The following IQSEC1 variants were observed in gnomAD, a reference collection of about 807,000 sequenced individuals.
The protein encoded by IQSEC1 is IQ motif and SEC7 domain-containing protein 1.
Under a neutral mutation model 91.0 loss-of-function variants are expected in IQSEC1, and 31 were observed. The ratio of observed to expected loss-of-function variants is 0.34; its 90% CI spans 0.26 to 0.46. The LOEUF (loss-of-function observed/expected upper bound fraction) is 0.46. IQSEC1 is among the 20% of genes least tolerant of loss of function. IQSEC1 has a pLI of 1.00. For synonymous variants in IQSEC1, 699 were observed against 662.6 expected (o/e 1.05, Z -0.84); for missense variants, 1,388 against 1,575.6 (o/e 0.88, Z 2.02).
At chr3:13,277,721 A>G (rs1034376086) in intron 1 of IQSEC1, among the ~76,000 whole-genome samples, 26 of 152,156 alleles carry the variant, frequency 1.7e-4, no homozygotes, top group Non-Finnish European at 2.9e-5. Context: ...ACATTATTGA[A>G]CCAAAACATG....
At position 13,198,507 on chromosome 3, in the gene IQSEC1, C is replaced by T. The variant is rs967787610; in HGVS notation, c.273-34374G>A. On this transcript the variant is annotated intron_variant, in intron 1 of 15. Transcript: ENST00000648114. The stretch of plus-strand genomic sequence containing the variant: ...GATTTCACGCAGCTCAGCTCCTAGG[C>T]GGTGATGACCGCTGGAATGTCCTGC... Among the ~76,000 whole-genome samples, 17 of 151,946 alleles carry T rather than the reference C, an allele frequency of 1.1e-4. 1 individual carries two copies. The highest frequency in any genetic ancestry group is 7.3e-5 in the African/African-American group (3 of 41,354).
rs1465725892 is a variant in IQSEC1, at chr3:12,979,572, G to C, written c.24-37707C>G. ...GGGGAGGGGAATGGGACGTGGAAGGGCGTGGCGCATAGCTCACTGTGTACC... is the reference window on the plus strand; with the variant it reads ...GGGGAGGGGAATGGGACGTGGAAGGCCGTGGCGCATAGCTCACTGTGTACC... On this transcript the variant is annotated intron_variant, in intron 1 of 13. Transcript: ENST00000613206. This position sits in a 1 kb window ranked among gnomAD's most constrained non-coding sequence, Gnocchi z 4.3. Among the ~76,000 whole-genome samples, 5 of 152,236 alleles carry C rather than the reference G, an allele frequency of 3.3e-5. No individual in the cohort carries two copies. In the East Asian group the frequency reaches 9.6e-4, roughly 29 times the overall value.
chr3:13,036,854 G>A (rs747750198), intron 1 of IQSEC1, among the ~76,000 whole-genome samples: 6 of 152,222 alleles, frequency 3.9e-5, no homozygotes, highest in Non-Finnish European at 5.9e-5. Context: ...AGATCAGTTG[G>A]CACCTTGTGT....
Position 12,899,380 on chromosome 3 carries a change from G to C in IQSEC1, c.*1603C>G. 6.2e-7 allele frequency: 1 copy of C among 1,612,868 alleles called. No homozygotes were observed. The highest frequency in any genetic ancestry group is 8.5e-7 in the Non-Finnish European group (1 of 1,179,740). ...GCAGGCGCCGGGGGGCAGTCCTCGG[G>C]TCCCATGGCTTAGGAGCACAGCACT... is the stretch of plus-strand genomic sequence containing the variant. On this transcript the variant is annotated 3_prime_UTR_variant, in exon 14 of 14. Coordinates refer to ENST00000613206, the MANE Select transcript of IQSEC1 (RefSeq NM_001134382.3).
chr3:13,098,738 G>A (rs1480677885), intron 2 of IQSEC1, among the ~76,000 whole-genome samples: 2 of 152,166 alleles, frequency 1.3e-5, no homozygotes, highest in Non-Finnish European at 2.9e-5. Context: ...GGAGAGTCCA[G>A]AATGGGCAAT....
chr3:13,218,879 C>T (rs569761947), intron 1 of IQSEC1, among the ~76,000 whole-genome samples: 1 of 152,314 alleles, frequency 6.6e-6, no homozygotes, highest in South Asian at 2.1e-4. Context: ...GCCGCCACCT[C>T]TACCCCCAGA....
chr3:13,206,151 A>G (rs1055719465), intron 1 of IQSEC1, among the ~76,000 whole-genome samples: 1 of 146,972 alleles, frequency 6.8e-6, no homozygotes, highest in Non-Finnish European at 1.5e-5. Flanking sequence ...CCATCCACCT[A>G]TCCATCCCTC....
At chr3:13,266,698 A>G (rs1695496365) in intron 1 of IQSEC1, among the ~76,000 whole-genome samples, 1 of 152,164 alleles carries the variant, frequency 6.6e-6, no homozygotes, top group Non-Finnish European at 1.5e-5. Context: ...CAAGGTAGGC[A>G]CAGGGAGACC....
chr3:12,939,120 A>G (rs1698512009), intron 2 of IQSEC1, among the ~76,000 whole-genome samples: 2 of 152,130 alleles, frequency 1.3e-5, no homozygotes, highest in Admixed American at 6.5e-5. Flanking sequence ...TGCTCTCCCG[A>G]GGGGTTTCAC....
At chr3:13,017,102 C>T (rs1006523990) in intron 1 of IQSEC1, among the ~76,000 whole-genome samples, 1 of 152,158 alleles carries the variant, frequency 6.6e-6, no homozygotes, top group East Asian at 1.9e-4. Flanking sequence ...ATGGACAGAC[C>T]ACATTGTGTT....
intron 1 of IQSEC1, among the ~76,000 whole-genome samples, chr3:13,173,032 C>T (rs1433080993): frequency 1.2e-4 from 18 of 152,220 alleles, no homozygotes; most frequent in Admixed American, 1.1e-3. Flanking sequence ...CAAAAGATTT[C>T]CTTGAAAGGC....
Position 12,897,340 on chromosome 3 carries a change from A to G in IQSEC1, c.*3643T>C, listed in dbSNP as rs1175793424. On this transcript the variant is annotated 3_prime_UTR_variant, in exon 14 of 14. Transcript: ENST00000613206. Reference sequence around the variant, plus strand: ...AAAACAAACGCACTCCTTTCCTCTCAAAGGTACACAGTGGGGGTGCCAGGC... The same window carrying G: ...AAAACAAACGCACTCCTTTCCTCTCGAAGGTACACAGTGGGGGTGCCAGGC... 2 of 152,262 alleles carry G rather than the reference A, an allele frequency of 1.3e-5. No homozygotes were observed. The highest frequency in any genetic ancestry group is 4.8e-5 in the African/African-American group (2 of 41,470). 9.4% of individuals were successfully genotyped at this position (152,262 alleles called of 1,614,324 possible). A position where few individuals can be genotyped will look rare whatever the true frequency, so the allele number is the denominator to read the frequency against.
At chr3:13,206,888 T>G (rs555884325) in intron 1 of IQSEC1, among the ~76,000 whole-genome samples, 1 of 152,238 alleles carries the variant, frequency 6.6e-6, no homozygotes, top group South Asian at 2.1e-4. Context: ...CTGCATTCCG[T>G]GTACCTGAGG....
chr3:13,243,572 A>G (rs1695057980), intron 1 of IQSEC1, among the ~76,000 whole-genome samples: 1 of 152,190 alleles, frequency 6.6e-6, no homozygotes, highest in Non-Finnish European at 1.5e-5. Context: ...AGAAGCCTCT[A>G]CACCCCAGTA....
chr3:13,019,371 AC>A (rs1219064526), intron 1 of IQSEC1, among the ~76,000 whole-genome samples: 2 of 152,182 alleles, frequency 1.3e-5, no homozygotes, highest in Non-Finnish European at 2.9e-5. Flanking sequence ...TGTGAATGGG[AC>A]CCAGCCAGGG....
chr3:12,997,831 G>T (rs180789462), intron 1 of IQSEC1, among the ~76,000 whole-genome samples: 1 of 152,266 alleles, frequency 6.6e-6, no homozygotes, highest in East Asian at 1.9e-4. Context: ...CATAGAAAAG[G>T]TACGGTAAAA....
chr3:13,127,130 C>T (rs541265980), intron 2 of IQSEC1, among the ~76,000 whole-genome samples: 3 of 152,174 alleles, frequency 2.0e-5, no homozygotes, highest in African/African-American at 7.2e-5. Context: ...TCAGAGTTCT[C>T]GGCTGGGGGC....
intron 1 of IQSEC1, among the ~76,000 whole-genome samples, chr3:13,069,412 T>C (rs1027376685): frequency 6.6e-6 from 1 of 152,022 alleles, no homozygotes; most frequent in African/African-American, 2.4e-5. Flanking sequence ...TGTGGAATGT[T>C]CCAGGCCCAG....
intron 1 of IQSEC1, among the ~76,000 whole-genome samples, chr3:12,974,008 C>T (rs765563573): frequency 4.6e-5 from 7 of 152,154 alleles, no homozygotes; most frequent in Non-Finnish European, 8.8e-5. Flanking sequence ...AAAAATTAGA[C>T]GCAGCTGTTA....
Sources: allele counts gnomAD v4.1 joint callset (sites outside exome capture counted in the v4.1 genomes callset), GRCh38; gene constraint gnomAD v4.1.1; non-coding constraint Gnocchi (gnomAD v3.1); transcripts MANE v1.5; gene names NCBI Gene and HGNC (gene_info 2026-07-23, HGNC 2026-07-21).